The following PCDH15 variants were observed in gnomAD, a reference collection of about 807,000 sequenced individuals.
The protein encoded by PCDH15 is protocadherin-15.
In PCDH15, 129 loss-of-function variants were observed where a neutral mutation model predicts 178.5. That is an observed-to-expected ratio of 0.72 (90% CI 0.63 to 0.84). PCDH15 has a LOEUF of 0.84. PCDH15 is among the 40% of genes least tolerant of loss of function. PCDH15 has a pLI of 0.00. For synonymous variants in PCDH15, 800 were observed against 732.0 expected (o/e 1.09, Z -1.50); for missense variants, 2,230 against 2,099.9 (o/e 1.06, Z -1.21).
In PCDH15 at chr10:53,959,779, A is replaced by G. The variant is rs781523507; in HGVS notation, c.3075T>C (p.Leu1025=). Residue 1025 remains leucine, a synonymous_variant, in exon 23 of 38, where the codon CTT becomes CTC. Coordinates refer to ENST00000644397, the MANE Select transcript of PCDH15 (RefSeq NM_001384140.1). ...GTGGGATCTCACCAGGATGTAAGAC[A>G]AGAATCTTCACTGTGGCACTGCTGG... ...VMSSSATVKI[L]VLHPGEIPRF... 6.2e-7 allele frequency: 1 copy of G among 1,614,112 alleles called. No homozygotes were observed. The highest frequency in any genetic ancestry group is 8.5e-7 in the Non-Finnish European group (1 of 1,179,992).
chr10:54,516,129 G>T (rs928793003), intron 3 of PCDH15, among the ~76,000 whole-genome samples: 2 of 152,144 alleles, frequency 1.3e-5, no homozygotes, highest in East Asian at 3.9e-4. Context: ...CACCAGCAAC[G>T]GAACAAAGCT....
chr10:55,198,627 CA>C (rs1840159222), intron 1 of PCDH15, among the ~76,000 whole-genome samples: 1 of 151,790 alleles, frequency 6.6e-6, no homozygotes, highest in African/African-American at 2.4e-5. Context: ...GCTGGGACTA[CA>C]AGGCACCCGC....
intron 2 of PCDH15, among the ~76,000 whole-genome samples, chr10:55,069,248 GTT>G (rs80094733): frequency 0.088 from 11,350 of 129,520 alleles, 629 homozygotes; most frequent in African/African-American, 0.18. Context: ...CTGGTATTTT[GTT>G]TTTTTTTTTT....
chr10:54,551,154 CAAA>C (rs57337778), intron 2 of PCDH15, among the ~76,000 whole-genome samples: 37 of 52,416 alleles, frequency 7.1e-4, no homozygotes, highest in African/African-American at 2.3e-3. Flanking sequence ...GACTCTGTCT[CAAA>C]AAAAAAAAAA....
intron 20 of PCDH15, among the ~76,000 whole-genome samples, chr10:53,999,072 A>C (rs2091995559): frequency 6.8e-6 from 1 of 146,430 alleles, no homozygotes; most frequent in South Asian, 2.2e-4. Flanking sequence ...AAAAAAAAAA[A>C]AGATATGTAT....
chr10:54,404,672 G>A (rs1265256954), intron 3 of PCDH15, among the ~76,000 whole-genome samples: 1 of 151,868 alleles, frequency 6.6e-6, no homozygotes, highest in African/African-American at 2.4e-5. Flanking sequence ...AGCTAAACAG[G>A]TTCTGTACAA....
chr10:54,459,417 A>G (rs1288438610), intron 3 of PCDH15, among the ~76,000 whole-genome samples: 1 of 152,008 alleles, frequency 6.6e-6, no homozygotes, highest in East Asian at 1.9e-4. Flanking sequence ...GTTTATATCA[A>G]TTACCCTATG....
At chr10:54,929,652 A>G (rs530192263) in intron 2 of PCDH15, among the ~76,000 whole-genome samples, 1 of 152,314 alleles carries the variant, frequency 6.6e-6, no homozygotes, top group Non-Finnish European at 1.5e-5. Flanking sequence ...TACAACTGAC[A>G]GAAAATAATT....
At position 54,600,558 on chromosome 10, in the gene PCDH15, A is replaced by T. The variant is rs77782175; in HGVS notation, c.91+63614T>A. The T allele has an allele frequency of 4.7e-3, 2,719 of 584,540 alleles. 59 individuals are homozygous for T. The highest frequency in any genetic ancestry group is 0.046 in the African/African-American group (2,441 of 53,464). 36.2% of individuals were successfully genotyped at this position (584,540 alleles called of 1,614,324 possible). A position where few individuals can be genotyped will look rare whatever the true frequency, so the allele number is the denominator to read the frequency against. ...TGGTGCTACCAAATACATCACTAAA[A>T]CTGTAACCATCACTCAAATGGTCGA... On this transcript the variant is annotated intron_variant, in intron 2 of 37. Coordinates refer to ENST00000644397, the MANE Select transcript of PCDH15 (RefSeq NM_001384140.1).
At chr10:54,347,604 T>G (rs910635233) in intron 5 of PCDH15, among the ~76,000 whole-genome samples, 1 of 152,014 alleles carries the variant, frequency 6.6e-6, no homozygotes, top group African/African-American at 2.4e-5. Flanking sequence ...AAACTGAAAA[T>G]TCACATTTTA....
intron 1 of PCDH15, among the ~76,000 whole-genome samples, chr10:54,779,481 T>TATATGTGTATATATAGACACAC (rs1566222419): frequency 1.3e-5 from 1 of 74,246 alleles, no homozygotes; most frequent in African/African-American, 5.5e-5. Flanking sequence ...TATACACACA[T>TATATGTGTATATATAGACACAC]ATATATGTAT....
intron 3 of PCDH15, among the ~76,000 whole-genome samples, chr10:54,839,611 T>C (rs1953381441): frequency 5.3e-5 from 8 of 152,036 alleles, no homozygotes. Context: ...TAATGACTGA[T>C]AACATCCCAA....
intron 1 of PCDH15, among the ~76,000 whole-genome samples, chr10:55,314,281 T>C (rs1843666441): frequency 6.6e-6 from 1 of 150,972 alleles, no homozygotes; most frequent in African/African-American, 2.4e-5. Flanking sequence ...TGGACTGTTA[T>C]ATATTATAGC....
At chr10:54,810,834 G>A (rs763017384) in intron 3 of PCDH15, among the ~76,000 whole-genome samples, 5 of 151,992 alleles carry the variant, frequency 3.3e-5, no homozygotes, top group Non-Finnish European at 7.4e-5. Context: ...TCAAAACATA[G>A]GCTAATTTTT....
At chr10:53,972,018 G>A (rs1438310635) in intron 21 of PCDH15, among the ~76,000 whole-genome samples, 6 of 151,980 alleles carry the variant, frequency 3.9e-5, no homozygotes, top group South Asian at 2.1e-4. Flanking sequence ...GAGGTATCAC[G>A]CTACCTGACT....
chr10:55,156,114 T>C (rs1838881782), intron 2 of PCDH15, among the ~76,000 whole-genome samples: 2 of 152,150 alleles, frequency 1.3e-5, no homozygotes, highest in Admixed American at 6.6e-5. Flanking sequence ...CTCCAATCCA[T>C]TGCACAAATA....
At chr10:55,263,474 A>T (rs1842199751) in intron 1 of PCDH15, among the ~76,000 whole-genome samples, 1 of 151,992 alleles carries the variant, frequency 6.6e-6, no homozygotes, top group African/African-American at 2.4e-5. Context: ...TTCCCTTCCC[A>T]GTTCAGGTGC....
chr10:54,611,664 C>A (rs1001544404), intron 2 of PCDH15, among the ~76,000 whole-genome samples: 1 of 151,748 alleles, frequency 6.6e-6, no homozygotes, highest in African/African-American at 2.4e-5. Context: ...TATAAGAGAG[C>A]AACCAAATCA....
At chr10:55,241,039 A>C (rs1158609697) in intron 1 of PCDH15, among the ~76,000 whole-genome samples, 1 of 152,126 alleles carries the variant, frequency 6.6e-6, no homozygotes, top group Non-Finnish European at 1.5e-5. Context: ...ACACAGTGAA[A>C]CCCTGTTTCT....
Sources: allele counts gnomAD v4.1 joint callset (sites outside exome capture counted in the v4.1 genomes callset), GRCh38; gene constraint gnomAD v4.1.1; transcripts MANE v1.5; gene names NCBI Gene and HGNC (gene_info 2026-07-23, HGNC 2026-07-21).